Variants in COP1 observed in about 807,000 individuals in gnomAD.
COP1 encodes the protein COP1 E3 ubiquitin ligase.
Under a neutral mutation model 101.3 loss-of-function variants are expected in COP1, and 24 were observed. That is an observed-to-expected ratio of 0.24 (90% confidence interval 0.17 to 0.33). The LOEUF is 0.33. COP1 is among the 10% of genes least tolerant of loss of function. COP1 has a pLI of 1.00. For synonymous variants in COP1, 347 were observed against 341.9 expected (o/e 1.01, Z -0.17); for missense variants, 663 against 906.2 (o/e 0.73, Z 3.45).
chr1:176,163,075 T>C, intron 4 of COP1, 87 bp from the exon 5 acceptor site: 1 of 1,328,978 alleles, frequency 7.5e-7, no homozygotes, highest in Non-Finnish European at 1.0e-6. Flanking sequence ...TACTTCCTAA[T>C]ATGCTCATTA....
intron 2 of COP1, among the ~76,000 whole-genome samples, chr1:176,181,094 A>G (rs1697682441): frequency 6.6e-6 from 1 of 152,210 alleles, no homozygotes; most frequent in Non-Finnish European, 1.5e-5. Context: ...ATATCATTGT[A>G]TTTCAGTTAG....
chr1:175,992,542 C>G (rs1026377790), intron 15 of COP1, among the ~76,000 whole-genome samples: 5 of 152,222 alleles, frequency 3.3e-5, no homozygotes, highest in Admixed American at 2.6e-4. Context: ...CACTCCCACC[C>G]TAATACTGCG....
intron 18 of COP1, among the ~76,000 whole-genome samples, chr1:175,973,574 T>G (rs1653793480): frequency 6.6e-6 from 1 of 152,200 alleles, no homozygotes; most frequent in African/African-American, 2.4e-5. Flanking sequence ...ATGAGATAAC[T>G]TTGTAAGACT....
intron 15 of COP1, among the ~76,000 whole-genome samples, chr1:176,008,039 T>A (rs1663800935): frequency 6.6e-6 from 1 of 152,130 alleles, no homozygotes; most frequent in African/African-American, 2.4e-5. Flanking sequence ...CGGGATATAA[T>A]CTCGTGGTGC....
intron 2 of COP1, among the ~76,000 whole-genome samples, chr1:176,181,794 G>T (rs1025383717): frequency 2.0e-5 from 3 of 151,508 alleles, no homozygotes; most frequent in Admixed American, 6.6e-5. Context: ...AGTGAGCGGA[G>T]ATCGAGCCAC....
intron 15 of COP1, among the ~76,000 whole-genome samples, chr1:176,009,996 C>G (rs1477627677): frequency 6.6e-6 from 1 of 151,556 alleles, no homozygotes; most frequent in Non-Finnish European, 1.5e-5. Context: ...AGGGTACAGT[C>G]AATTACTGTT....
At chr1:175,985,017 G>A (rs1043746659) in intron 18 of COP1, among the ~76,000 whole-genome samples, 1 of 152,190 alleles carries the variant, frequency 6.6e-6, no homozygotes, top group Non-Finnish European at 1.5e-5. Context: ...TTGGACTTCT[G>A]AGTTAATGCT....
chr1:176,138,269 G>A (rs975906249), intron 6 of COP1, among the ~76,000 whole-genome samples: 1 of 152,082 alleles, frequency 6.6e-6, no homozygotes, highest in Admixed American at 6.6e-5. Flanking sequence ...AGTCAGAAGA[G>A]ATAAAAGCAA....
At chr1:176,002,480 T>C (rs1661918365) in intron 15 of COP1, among the ~76,000 whole-genome samples, 1 of 151,824 alleles carries the variant, frequency 6.6e-6, no homozygotes, top group African/African-American at 2.4e-5. Context: ...GCATTAGGTA[T>C]ATCTCCCAAT....
chr1:175,946,503 G>GA (rs1649189439), intron 19 of COP1, among the ~76,000 whole-genome samples: 1 of 152,110 alleles, frequency 6.6e-6, no homozygotes, highest in Non-Finnish European at 1.5e-5. Context: ...AGAATATGTG[G>GA]AAAAAACAGG....
At chr1:176,005,379 T>C (rs866045592) in intron 15 of COP1, among the ~76,000 whole-genome samples, 5 of 152,142 alleles carry the variant, frequency 3.3e-5, no homozygotes, top group South Asian at 2.1e-4. Context: ...TTAGTTATTT[T>C]TTGCCTTCTG....
chr1:176,161,645 A>C (rs1490574636), intron 5 of COP1, among the ~76,000 whole-genome samples: 1 of 152,084 alleles, frequency 6.6e-6, no homozygotes, highest in Non-Finnish European at 1.5e-5. Flanking sequence ...TCACCATGTG[A>C]AAATACCTGC....
At chr1:176,007,964 G>T (rs754977190) in intron 15 of COP1, among the ~76,000 whole-genome samples, 1 of 152,164 alleles carries the variant, frequency 6.6e-6, no homozygotes, top group South Asian at 2.1e-4. Context: ...CTTGCAGTTT[G>T]ATCTCAGACT....
intron 18 of COP1, among the ~76,000 whole-genome samples, chr1:175,961,517 C>G (rs1021285333): frequency 6.6e-6 from 1 of 151,768 alleles, no homozygotes; most frequent in Admixed American, 6.6e-5. Context: ...CATAGGCCAA[C>G]AGGGGAAATG....
chr1:176,076,161 G>A (rs544562417), intron 11 of COP1, among the ~76,000 whole-genome samples: 126 of 151,914 alleles, frequency 8.3e-4, no homozygotes, highest in Non-Finnish European at 1.5e-3. Context: ...AACAACCACA[G>A]AATATACAAA....
chr1:176,089,267 T>C (rs1433480947), intron 9 of COP1, among the ~76,000 whole-genome samples: 1 of 150,502 alleles, frequency 6.6e-6, no homozygotes, highest in Non-Finnish European at 1.5e-5. Flanking sequence ...CACCCCAGCC[T>C]GGGTGACAGA....
At chr1:176,183,015 A>C (rs1455660023) in intron 2 of COP1, among the ~76,000 whole-genome samples, 1 of 152,220 alleles carries the variant, frequency 6.6e-6, no homozygotes, top group Non-Finnish European at 1.5e-5. Context: ...CTTCCTGTAC[A>C]ATGACTGGTT....
intron 1 of COP1, among the ~76,000 whole-genome samples, chr1:176,186,964 T>G (rs1698529777): frequency 6.6e-6 from 1 of 152,174 alleles, no homozygotes; most frequent in South Asian, 2.1e-4. Flanking sequence ...TCCGTTAGTT[T>G]ATTTAAAAAG....
At chr1:175,995,251 T>G (rs1478303831) in intron 15 of COP1, among the ~76,000 whole-genome samples, 1 of 152,170 alleles carries the variant, frequency 6.6e-6, no homozygotes, top group African/African-American at 2.4e-5. Context: ...AAGCAGTCTG[T>G]AGAGGGAAAT....
Sources: gnomAD v4.1 joint callset for allele counts (sites outside exome capture counted in the v4.1 genomes callset) on GRCh38, gnomAD v4.1.1 for gene constraint, MANE v1.5 for transcripts, NCBI Gene and HGNC (gene_info 2026-07-23, HGNC 2026-07-21) for gene names.